NEK10: variants seen among roughly 807,000 people sequenced by gnomAD.
The protein encoded by NEK10 is NIMA related kinase 10, also known as serine/threonine-protein kinase Nek10.
A neutral mutation model predicts 159.8 loss-of-function variants in NEK10; 122 were observed. The observed-to-expected ratio is 0.76, with a 90% CI of 0.66 to 0.89. The LOEUF (loss-of-function observed/expected upper bound fraction) is 0.89, where lower values mean the gene tolerates loss of function less well. NEK10 is among the 40% of genes least tolerant of loss of function. NEK10 has a pLI of 0.00. For missense variants in NEK10, 1,342 were observed against 1,323.1 expected, an observed-to-expected ratio of 1.01 and a Z score of -0.22; for synonymous variants, 466 against 457.1, an observed-to-expected ratio of 1.02 and a Z score of -0.25.
intron 23 of NEK10, among the ~76,000 whole-genome samples, chr3:27,226,208 T>C (rs1296591165): frequency 6.6e-6 from 1 of 151,908 alleles, no homozygotes; most frequent in African/African-American, 2.4e-5. Context: ...TTTTTTTTTT[T>C]TCTTTTTTTT....
At chr3:27,198,666 A>C (rs1318383650) in intron 25 of NEK10, among the ~76,000 whole-genome samples, 1 of 152,210 alleles carries the variant, frequency 6.6e-6, no homozygotes, top group Non-Finnish European at 1.5e-5. Flanking sequence ...CAGATTAAAG[A>C]CTTAAATGTG....
In NEK10 at chr3:27,229,900, T is replaced by C. The variant is rs189045988; in HGVS notation, c.2090+26396A>G. Among the ~76,000 whole-genome samples the C allele has an allele frequency of 1.1e-4, 17 of 152,184 alleles. 1 individual carries two copies. The highest frequency in any genetic ancestry group is 1.0e-3 in the Admixed American group (16 of 15,278). ...ATAAAACAGTCAAACTCAAGAATAA[T>C]TGGTGTTCCTGAGGGAAAAGAACAA... On this transcript the variant is annotated intron_variant, in intron 23 of 35. Coordinates refer to ENST00000691995, the MANE Select transcript of NEK10 (RefSeq NM_001394966.1).
intron 26 of NEK10, among the ~76,000 whole-genome samples, chr3:27,187,262 T>C (rs1333612612): frequency 6.6e-6 from 1 of 152,172 alleles, no homozygotes; most frequent in Non-Finnish European, 1.5e-5. Flanking sequence ...AGCTTTCTCC[T>C]GTACTCTGTT....
At chr3:27,242,183 T>C (rs1480544198) in intron 23 of NEK10, among the ~76,000 whole-genome samples, 1 of 152,222 alleles carries the variant, frequency 6.6e-6, no homozygotes, top group Non-Finnish European at 1.5e-5. Context: ...GTATTCCCAA[T>C]GTATAAGCCA....
At chr3:27,157,873 A>C (rs967023385) in intron 30 of NEK10, among the ~76,000 whole-genome samples, 2 of 152,194 alleles carry the variant, frequency 1.3e-5, no homozygotes, top group African/African-American at 4.8e-5. Flanking sequence ...AGCCACCTAC[A>C]TGGAGGCAAG....
Position 27,111,265 on chromosome 3 carries a change from A to G in NEK10, c.*7T>C. On this transcript the variant is annotated 3_prime_UTR_variant, in exon 36 of 36. Coordinates refer to ENST00000691995, the MANE Select transcript of NEK10 (RefSeq NM_001394966.1). ...AGAAAATCAAGTCCACTCAAAATGC[A>G]GCATTTTCATCTTTTGGTTGGGTGA... The G allele has an allele frequency of 6.2e-7, 1 of 1,608,648 alleles. No individual in the cohort carries two copies. The highest frequency in any genetic ancestry group is 2.2e-5 in the East Asian group (1 of 44,486).
intron 9 of NEK10, 51 bp downstream of exon 9, chr3:27,310,898 G>C (rs2044638689): frequency 4.4e-6 from 5 of 1,138,416 alleles, no homozygotes; most frequent in Non-Finnish European, 6.7e-6. Flanking sequence ...TCCCTAATGT[G>C]AACTATTGCC....
chr3:27,201,961 C>G, intron 24 of NEK10, among the ~76,000 whole-genome samples: 1 of 151,626 alleles, frequency 6.6e-6, no homozygotes, highest in Non-Finnish European at 1.5e-5. Context: ...GAGTTCAAGA[C>G]CAGCCTGGCC....
At chr3:27,349,548 GC>G (rs1387091600) in intron 3 of NEK10, among the ~76,000 whole-genome samples, 3 of 152,050 alleles carry the variant, frequency 2.0e-5, no homozygotes, top group Non-Finnish European at 4.4e-5. Context: ...TCTTTCTACA[GC>G]ATCTATCAAA....
At position 27,116,090 on chromosome 3, in the gene NEK10, T is replaced by C. The variant is rs777326063; in HGVS notation, c.3228A>G (p.Thr1076=). The C allele has an allele frequency of 3.1e-6, 5 of 1,613,562 alleles. No individual in the cohort carries two copies. The South Asian group carries it at 5.5e-5, about 18-fold the overall frequency. ...AAAACCTCACCTGCATCTGTTCATATGTTATTCCTTCCTCCAATTCAATGC... is the reference window on the plus strand; with the variant it reads ...AAAACCTCACCTGCATCTGTTCATACGTTATTCCTTCCTCCAATTCAATGC... ...PTSIELEEGI[T]YEQMQTVIEE... is the part of the protein sequence containing the mutation. The change falls in exon 34 of 36, where the codon ACA becomes ACG. Residue 1076 remains threonine, a synonymous_variant. Transcript: ENST00000691995.
At chr3:27,278,426 A>G (rs926237974) in intron 22 of NEK10, among the ~76,000 whole-genome samples, 2 of 152,226 alleles carry the variant, frequency 1.3e-5, no homozygotes, top group Non-Finnish European at 2.9e-5. Context: ...AGCAGAAACC[A>G]TGGCTTTTCA....
chr3:27,150,487 T>C (rs1444044550), intron 30 of NEK10, among the ~76,000 whole-genome samples: 1 of 152,200 alleles, frequency 6.6e-6, no homozygotes, highest in Admixed American at 6.5e-5. Flanking sequence ...AAATCTATTC[T>C]ACCTATGCTC....
chr3:27,137,873 T>C (rs142317176), intron 31 of NEK10, among the ~76,000 whole-genome samples: 266 of 152,244 alleles, frequency 1.7e-3, no homozygotes, highest in African/African-American at 5.9e-3. Context: ...AACTCAGAGG[T>C]AGGGAGACAC....
intron 30 of NEK10, among the ~76,000 whole-genome samples, chr3:27,145,651 C>G (rs1194185662): frequency 6.6e-6 from 1 of 152,044 alleles, no homozygotes; most frequent in Non-Finnish European, 1.5e-5. Flanking sequence ...CACATTTAGT[C>G]TGCTTTAATC....
intron 23 of NEK10, chr3:27,206,668 G>A: frequency 2.0e-6 from 2 of 980,884 alleles, no homozygotes; most frequent in Non-Finnish European, 2.4e-6. Flanking sequence ...AGCCCCTCAA[G>A]TGCGCACAGA....
intron 1 of NEK10, among the ~76,000 whole-genome samples, chr3:27,357,467 A>G (rs755495443): frequency 6.6e-6 from 1 of 152,180 alleles, no homozygotes; most frequent in Admixed American, 6.5e-5. Flanking sequence ...TTAGAGTTCT[A>G]TATAAGAAAA....
intron 22 of NEK10, among the ~76,000 whole-genome samples, chr3:27,261,645 A>C (rs1297368787): frequency 6.6e-6 from 1 of 152,210 alleles, no homozygotes. Flanking sequence ...ACTTCCAACT[A>C]TGTGGTCAAT....
In NEK10 at chr3:27,304,803, G is replaced by A. The variant is rs1433391047; in HGVS notation, c.972C>T (p.Thr324=). ...CTCCCCAAATGCGAATTTCCACGCT[G>A]GTCTCAGGGTCCTCACAAACCTGTA... ...ILVQVCEDPE[T]SVEIRIWGGI... Residue 324 remains threonine, a synonymous_variant, in exon 12 of 36, where the codon ACC becomes ACT. Transcript: ENST00000691995. 1.2e-6 allele frequency: 2 copies of A among 1,613,826 alleles called. No individual in the cohort carries two copies. Among genetic ancestry groups the A allele is most frequent in the Non-Finnish European group, 1.7e-6 (2 of 1,179,820 alleles).
At chr3:27,335,735 G>C (rs1188370603) in intron 5 of NEK10, among the ~76,000 whole-genome samples, 1 of 152,114 alleles carries the variant, frequency 6.6e-6, no homozygotes, top group Non-Finnish European at 1.5e-5. Flanking sequence ...CAAATACATG[G>C]AAATTAAACA....
Sources: allele counts gnomAD v4.1 joint callset (sites outside exome capture counted in the v4.1 genomes callset), GRCh38; gene constraint gnomAD v4.1.1; transcripts MANE v1.5; gene names NCBI Gene and HGNC (gene_info 2026-07-23, HGNC 2026-07-21).